The following ABCC1 variants were observed in gnomAD, a reference collection of about 807,000 sequenced individuals.
The protein encoded by ABCC1 is multidrug resistance-associated protein 1.
ABCC1 carries 83 observed loss-of-function variants against 172.9 expected under a neutral mutation model. The ratio of observed to expected loss-of-function variants is 0.48; its 90% CI spans 0.40 to 0.58. ABCC1 has a LOEUF of 0.58. Among genes scored for constraint, ABCC1 ranks in the 20% least tolerant of loss-of-function variants. ABCC1 has a pLI of 0.00. For synonymous variants in ABCC1, 937 were observed against 825.2 expected (o/e 1.14, Z -2.32); for missense variants, 1,817 against 2,002.7 (o/e 0.91, Z 1.77).
intron 23 of ABCC1, among the ~76,000 whole-genome samples, chr16:16,119,033 T>C (rs574571889): frequency 1.5e-4 from 23 of 152,252 alleles, no homozygotes; most frequent in African/African-American, 5.3e-4. Flanking sequence ...AATTTATGGT[T>C]GAGTAGTAAA....
intron 10 of ABCC1, among the ~76,000 whole-genome samples, chr16:16,051,353 G>A (rs2049421141): frequency 6.6e-6 from 1 of 151,374 alleles, no homozygotes; most frequent in Non-Finnish European, 1.5e-5. Context: ...TTATTTTTTT[G>A]TAGAAATGGG....
Position 16,056,234 on chromosome 16 carries a change from T to C in ABCC1, c.1616T>C (p.Leu539Pro). Reference sequence around the variant, plus strand: ...ATCAGGCAGGAGGAGCTGAAGGTGCTGAAGAAGTCTGCCTACCTGTCAGCC... The same window carrying C: ...ATCAGGCAGGAGGAGCTGAAGGTGCCGAAGAAGTCTGCCTACCTGTCAGCC... ...LAIRQEELKV[L>P]KKSAYLSAVG... Residue 539 changes from leucine (L) to proline (P), a missense_variant, in exon 12 of 31, where the codon CTG (leucine) becomes CCG (proline). By Grantham distance (98) the Leu-to-Pro change is moderately conservative (BLOSUM62 -3). This residue lies in a region of ABCC1 where 1,412 missense variants were observed against 1,600.3 expected (regional missense o/e 0.88). Coordinates refer to ENST00000399410, the MANE Select transcript of ABCC1 (RefSeq NM_004996.4). 2.5e-6 allele frequency: 4 copies of C among 1,614,250 alleles called. No individual in the cohort carries two copies. The highest frequency in any genetic ancestry group is 3.4e-6 in the Non-Finnish European group (4 of 1,180,042).
chr16:16,083,012 G>A (rs187832431), intron 16 of ABCC1, among the ~76,000 whole-genome samples: 11 of 152,322 alleles, frequency 7.2e-5, no homozygotes, highest in Non-Finnish European at 1.3e-4. Flanking sequence ...CTGTAATCAA[G>A]TAGTTTTCCG....
intron 1 of ABCC1, among the ~76,000 whole-genome samples, chr16:15,975,054 A>G (rs1188981808): frequency 6.6e-6 from 1 of 152,022 alleles, no homozygotes; most frequent in East Asian, 1.9e-4. Flanking sequence ...TTCCCAAAGT[A>G]CTGGGATGAC....
chr16:15,953,445 C>T (rs1174469356), intron 1 of ABCC1, among the ~76,000 whole-genome samples: 1 of 152,154 alleles, frequency 6.6e-6, no homozygotes, highest in East Asian at 1.9e-4. Flanking sequence ...GCAAATTCGC[C>T]TCTGCTGCTG....
At chr16:16,053,774 C>CAAAAAAAAAAAAAAAAAAAAAAAAAAA (rs10526186) in intron 11 of ABCC1, among the ~76,000 whole-genome samples, 1 of 36,212 alleles carries the variant, frequency 2.8e-5, no homozygotes, top group Non-Finnish European at 7.1e-5. Flanking sequence ...GACCCTGTCT[C>CAAAAAAAAAAAAAAAAAAAAAAAAAAA]AAAAAAAAAA....
At chr16:16,002,286 CAGA>C (rs2047342683) in intron 1 of ABCC1, among the ~76,000 whole-genome samples, 1 of 152,182 alleles carries the variant, frequency 6.6e-6, no homozygotes, top group Middle Eastern at 3.4e-3. Flanking sequence ...GATTTGATAA[CAGA>C]AGATGTATAT....
chr16:16,104,853 C>T (rs1277328614), intron 20 of ABCC1, among the ~76,000 whole-genome samples: 2 of 152,216 alleles, frequency 1.3e-5, no homozygotes, highest in African/African-American at 2.4e-5. Context: ...AAATCAAGTG[C>T]AGCAGCTGCT....
intron 30 of ABCC1, among the ~76,000 whole-genome samples, chr16:16,140,133 A>G (rs958106018): frequency 6.6e-6 from 1 of 152,224 alleles, no homozygotes; most frequent in Non-Finnish European, 1.5e-5. Context: ...CGAATGTAAA[A>G]ATGAATGCGC....
At chr16:16,011,214 C>G (rs1318482961) in intron 3 of ABCC1, among the ~76,000 whole-genome samples, 1 of 148,858 alleles carries the variant, frequency 6.7e-6, no homozygotes, top group African/African-American at 2.4e-5. Context: ...GTCTGGGGGA[C>G]AGAGCGAGAC....
At chr16:16,090,105 G>T (rs973325227) in intron 18 of ABCC1, among the ~76,000 whole-genome samples, 1 of 152,166 alleles carries the variant, frequency 6.6e-6, no homozygotes, top group African/African-American at 2.4e-5. Flanking sequence ...TATTCTACTA[G>T]TGTTCGTTTC....
intron 5 of ABCC1, among the ~76,000 whole-genome samples, chr16:16,028,111 C>T (rs1256291628): frequency 6.6e-6 from 1 of 152,250 alleles, no homozygotes; most frequent in South Asian, 2.1e-4. Context: ...CCTTCCTTTT[C>T]CTTTGTTCCT....
At position 16,014,636 on chromosome 16, in the gene ABCC1, G is replaced by T. The variant is rs762807766; in HGVS notation, c.489+8G>T. 3.8e-5 allele frequency: 62 copies of T among 1,612,998 alleles called. 1 individual carries two copies. The South Asian group carries it at 6.2e-4, about 16-fold the overall frequency. On this transcript the variant is annotated splice_region_variant and intron_variant, in intron 4 of 30. Transcript: ENST00000399410. ...ATGACAGCCTTAAAAGAGGTAAGTG[G>T]CAGTCTCCTTCCTCATCTTCCTTCA...
chr16:15,950,191 G>A (rs899426864), intron 1 of ABCC1, among the ~76,000 whole-genome samples: 21 of 150,488 alleles, frequency 1.4e-4, no homozygotes, highest in Non-Finnish European at 3.0e-4. Context: ...CATCTTTTTT[G>A]TGGTTAGGGT....
At chr16:16,114,433 C>T (rs1013469104) in intron 22 of ABCC1, among the ~76,000 whole-genome samples, 2 of 151,932 alleles carry the variant, frequency 1.3e-5, no homozygotes, top group African/African-American at 2.4e-5. Context: ...CTCCACCTCC[C>T]GGATTCAAGC....
intron 23 of ABCC1, among the ~76,000 whole-genome samples, chr16:16,119,366 C>T (rs1044488692): frequency 2.0e-5 from 3 of 152,040 alleles, no homozygotes; most frequent in Non-Finnish European, 2.9e-5. Flanking sequence ...ACTTGAGCCT[C>T]GGAGGCGGAG....
chr16:16,137,082 T>C (rs925414779), intron 29 of ABCC1, among the ~76,000 whole-genome samples: 1 of 152,178 alleles, frequency 6.6e-6, no homozygotes, highest in African/African-American at 2.4e-5. Flanking sequence ...ACCTCTGGGG[T>C]CCTGCTTTGG....
chr16:16,102,700 A>AG lies in ABCC1; in HGVS notation c.2721dup (p.Lys908GlufsTer14), dbSNP rs1225598791. 1 of 1,583,420 alleles carries AG rather than the reference A, an allele frequency of 6.3e-7. No homozygotes were observed. The highest frequency in any genetic ancestry group is 1.3e-5 in the African/African-American group (1 of 74,434). The stretch of plus-strand genomic sequence containing the variant: ...ATGGCATGCTGGTGACGGACAGTGC[A>AG]GGGAAGCAACTGCAGAGGTAAGGGC... On this transcript the variant is annotated frameshift_variant, in exon 20 of 31. Coordinates refer to ENST00000399410, the MANE Select transcript of ABCC1 (RefSeq NM_004996.4). LOFTEE classifies it high-confidence loss of function.
At position 16,138,414 on chromosome 16, in the gene ABCC1, C is replaced by T. The variant is rs373526883; in HGVS notation, c.4343C>T (p.Thr1448Met). 1.2e-5 allele frequency: 19 copies of T among 1,609,552 alleles called. No individual in the cohort carries two copies. The highest frequency in any genetic ancestry group is 3.3e-5 in the Admixed American group (2 of 59,902). Reference sequence around the variant, plus strand: ...CTAGCCCGGGCCCTGCTGAGGAAGACGAAGATCCTTGTGTTGGATGAGGCC... The same window carrying T: ...CTAGCCCGGGCCCTGCTGAGGAAGATGAAGATCCTTGTGTTGGATGAGGCC... ...VCLARALLRK[T>M]KILVLDEATA... Residue 1448 changes from threonine to methionine, a missense_variant, in exon 30 of 31, where the codon ACG becomes ATG. Thr to Met is a moderately conservative substitution (Grantham distance 81, BLOSUM62 -1). Around this residue, in one of 3 missense-constraint regions of ABCC1, gnomAD observed 1,412 missense variants for 1,600.3 expected, o/e 0.88. Transcript: ENST00000399410.
Sources: allele counts gnomAD v4.1 joint callset (sites outside exome capture counted in the v4.1 genomes callset), GRCh38; gene constraint gnomAD v4.1.1; regional missense constraint gnomAD v4.1.1; transcripts MANE v1.5; gene names NCBI Gene and HGNC (gene_info 2026-07-23, HGNC 2026-07-21).